The following SMG9 variants were observed in gnomAD, a reference collection of about 807,000 sequenced individuals.
SMG9 encodes the protein SMG9 nonsense mediated mRNA decay factor.
Under a neutral mutation model 64.0 loss-of-function variants are expected in SMG9, and 55 were observed. That is an observed-to-expected ratio of 0.86 (90% CI 0.69 to 1.08). The LOEUF is 1.08. Ranked by LOEUF, SMG9 falls within the 50% of genes least tolerant of loss-of-function variation. The probability of loss-of-function intolerance (pLI) is 0.00; values close to 1 mark genes in which losing one functional copy is unlikely to be tolerated. For synonymous variants in SMG9, 244 were observed against 254.8 expected (o/e 0.96, Z 0.41); for missense variants, 554 against 681.3 (o/e 0.81, Z 2.08).
chr19:43,740,426 C>T (rs1968813631), intron 6 of SMG9, among the ~76,000 whole-genome samples: 1 of 152,114 alleles, frequency 6.6e-6, no homozygotes. Context: ...TAAAGAGATC[C>T]ATTAGTTCAA....
chr19:43,754,004 AG>A (rs1194115421), intron 1 of SMG9, among the ~76,000 whole-genome samples: 27 of 151,880 alleles, frequency 1.8e-4, no homozygotes, highest in African/African-American at 6.1e-4. Flanking sequence ...CCCCAAACTT[AG>A]GAAAGCTGGT....
chr19:43,733,461 G>A lies in SMG9; in HGVS notation c.1211-9C>T, dbSNP rs377013382. The A allele has an allele frequency of 1.3e-5, 21 of 1,613,746 alleles. No homozygotes were observed. The African/African-American group carries it at 2.3e-4, about 17-fold the overall frequency. ...TAACATGGACAGAGTTCCTGGAGGA[G>A]AAAACGCTTCAGCCTTCAGGTACCA... On this transcript the variant is annotated splice_polypyrimidine_tract_variant and intron_variant, in intron 11 of 13. Transcript: ENST00000270066.
chr19:43,750,266 CT>C (rs1372672576), intron 2 of SMG9: 1 of 557,906 alleles, frequency 1.8e-6, no homozygotes. Context: ...CCTATGGCTA[CT>C]CCTTGAACAC....
chr19:43,746,816 G>T (rs969767124), intron 5 of SMG9, among the ~76,000 whole-genome samples: 2 of 139,782 alleles, frequency 1.4e-5, no homozygotes, highest in Non-Finnish European at 3.1e-5. Flanking sequence ...TGGGCTTCTT[G>T]TTCTTTTTTT....
intron 1 of SMG9, among the ~76,000 whole-genome samples, chr19:43,752,916 A>AAAAAAAAAAAAAAAAAG (rs1433797448): frequency 1.3e-5 from 2 of 148,758 alleles, no homozygotes; most frequent in African/African-American, 5.1e-5. Flanking sequence ...AAAAAAAAAA[A>AAAAAAAAAAAAAAAAAG]GCAGAACCCT....
intron 5 of SMG9, among the ~76,000 whole-genome samples, chr19:43,746,382 C>T (rs902494309): frequency 6.6e-6 from 1 of 152,190 alleles, no homozygotes; most frequent in African/African-American, 2.4e-5. Flanking sequence ...TAGCGGCTAC[C>T]ATACTGGACG....
chr19:43,734,215 G>A, intron 10 of SMG9, 174 bp downstream of exon 10: 1 of 604,966 alleles, frequency 1.7e-6, no homozygotes, highest in Non-Finnish European at 2.9e-6. Context: ...CAGGGCAGTG[G>A]GAACTTGGAA....
rs545797854 is a variant in SMG9, at chr19:43,738,061, C to G, written c.909+61G>C. On this transcript the variant is annotated intron_variant, in intron 8 of 13. Coordinates refer to ENST00000270066, the MANE Select transcript of SMG9 (RefSeq NM_019108.4). ...ACCACCCACACCCAGCTCTCCAGAT[C>G]TTGGGAGGATGGGGGTGGGGATGTA... The G allele has an allele frequency of 2.1e-5, 31 of 1,499,814 alleles. No individual in the cohort carries two copies. The African/African-American group carries it at 4.0e-4, about 19-fold the overall frequency. 92.9% of individuals were successfully genotyped at this position (1,499,814 alleles called of 1,614,324 possible).
intron 2 of SMG9, among the ~76,000 whole-genome samples, chr19:43,749,382 G>A (rs1164059803): frequency 6.6e-6 from 1 of 152,216 alleles, no homozygotes; most frequent in African/African-American, 2.4e-5. Flanking sequence ...AGAAGCCCAT[G>A]GGTGTGACAA....
Position 43,747,434 on chromosome 19 carries a change from C to T in SMG9, c.588+8G>A. 6.2e-7 allele frequency: 1 copy of T among 1,612,302 alleles called. No homozygotes were observed. Among genetic ancestry groups the T allele is most frequent in the South Asian group, 1.1e-5 (1 of 91,070 alleles). On this transcript the variant is annotated splice_region_variant and intron_variant, in intron 5 of 13. Coordinates refer to ENST00000270066, the MANE Select transcript of SMG9 (RefSeq NM_019108.4). ...CGGAAGCTCAGGCAGGGCAGGACCC[C>T]TCGGTACCTCGATGGCACTGTCACA...
In SMG9 at chr19:43,747,803, C is replaced by T; in HGVS notation, c.320G>A (p.Gly107Glu). 1 of 1,605,382 alleles carries T rather than the reference C, an allele frequency of 6.2e-7. No individual in the cohort carries two copies. The highest frequency in any genetic ancestry group is 8.5e-7 in the Non-Finnish European group (1 of 1,175,550). ...ACCTGTCACGGCCACAGGCCCCTTC[C>T]CCTCCTCCCGTGGCTTCATGAGAAC... The part of the protein sequence containing the change: ...PIVLMKPREE[G>E]KGPVAVTGAS... The change falls in exon 4 of 14, where the codon GGG becomes GAG. Residue 107 changes from glycine (G) to glutamate (E), a missense_variant. Gly to Glu is a moderately conservative substitution (Grantham distance 98). Transcript: ENST00000270066.
chr19:43,733,545 C>T (rs1184712280), intron 11 of SMG9, 81 bp downstream of exon 11: 1 of 1,608,014 alleles, frequency 6.2e-7, no homozygotes, highest in African/African-American at 1.3e-5. Flanking sequence ...GGAGACTAGT[C>T]TGGGGGTAGA....
intron 2 of SMG9, among the ~76,000 whole-genome samples, 157 bp downstream of exon 2, chr19:43,750,435 G>C (rs944103626): frequency 1.3e-5 from 2 of 152,200 alleles, no homozygotes; most frequent in Non-Finnish European, 2.9e-5. Context: ...ATGTTATCTA[G>C]AACAGTCTCC....
chr19:43,733,548 G>T (rs541515127), intron 11 of SMG9, 78 bp downstream of exon 11: 2 of 1,607,230 alleles, frequency 1.2e-6, no homozygotes, highest in African/African-American at 1.3e-5. Flanking sequence ...GACTAGTCTG[G>T]GGGTAGAGAC....
At chr19:43,735,914 G>A (rs1968651092) in intron 9 of SMG9, among the ~76,000 whole-genome samples, 1 of 152,290 alleles carries the variant, frequency 6.6e-6, no homozygotes. Context: ...TCCCCAAGGA[G>A]TTTTATCTGT....
intron 10 of SMG9, 37 bp from the exon 11 acceptor site, chr19:43,733,770 A>G: frequency 1.3e-6 from 2 of 1,551,116 alleles, no homozygotes; most frequent in Non-Finnish European, 1.8e-6. Flanking sequence ...TCAGGCAGAC[A>G]TCGCTTGGCT....
intron 7 of SMG9, 92 bp downstream of exon 7, chr19:43,740,015 G>T: frequency 1.1e-6 from 1 of 927,446 alleles, no homozygotes; most frequent in Non-Finnish European, 1.8e-6. Context: ...GAAGCACATG[G>T]AATCCACGCA....
rs1968450717 is a variant in SMG9 at position 43,730,638 on chromosome 19, A to T, written c.*958T>A. 1 of 150,058 alleles carries T rather than the reference A, an allele frequency of 6.7e-6. No homozygotes were observed. The highest frequency in any genetic ancestry group is 1.5e-5 in the Non-Finnish European group (1 of 67,882). 9.3% of individuals were successfully genotyped at this position (150,058 alleles called of 1,614,324 possible). A position where few individuals can be genotyped will look rare whatever the true frequency, so the allele number is the denominator to read the frequency against. On this transcript the variant is annotated 3_prime_UTR_variant, in exon 14 of 14. Transcript: ENST00000270066. ...GAGTGCAGTGGCGTGATCTTGGCTCACTGCAACCTCTGCCTCCCGGGTTCA... is the reference window on the plus strand; with the variant it reads ...GAGTGCAGTGGCGTGATCTTGGCTCTCTGCAACCTCTGCCTCCCGGGTTCA...
intron 13 of SMG9, chr19:43,732,255 C>T (rs1968509282): frequency 6.3e-6 from 1 of 157,560 alleles, no homozygotes; most frequent in African/African-American, 2.4e-5. Flanking sequence ...ATTTATCTTT[C>T]CAATTTTTCT....
Sources: gnomAD v4.1 joint callset for allele counts (sites outside exome capture counted in the v4.1 genomes callset) on GRCh38, gnomAD v4.1.1 for gene constraint, MANE v1.5 for transcripts, NCBI Gene and HGNC (gene_info 2026-07-23, HGNC 2026-07-21) for gene names.